The following CHL1 variants were observed in gnomAD, a reference collection of about 807,000 sequenced individuals.
The protein encoded by CHL1 is cell adhesion molecule L1 like, also known as neural cell adhesion molecule L1-like protein.
In CHL1, 96 loss-of-function variants were observed where a neutral mutation model predicts 141.9. That is an observed-to-expected ratio of 0.68 (90% confidence interval 0.57 to 0.80). The LOEUF is 0.80. Ranked by LOEUF, CHL1 falls within the 30% of genes least tolerant of loss-of-function variation. The pLI, the probability that CHL1 is intolerant of heterozygous loss-of-function variation, is 0.00. For synonymous variants in CHL1, 613 were observed against 502.2 expected, an observed-to-expected ratio of 1.22 and a Z score of -2.95; for missense variants, 1,820 against 1,457.2, an observed-to-expected ratio of 1.25 and a Z score of -4.05.
At position 356,710 on chromosome 3, in the gene CHL1, G is replaced by A. The variant is rs149539804; in HGVS notation, c.1165+1939G>A. On this transcript the variant is annotated intron_variant, in intron 11 of 27. Coordinates refer to ENST00000256509, the MANE Select transcript of CHL1 (RefSeq NM_006614.4). ...AAATAGCAGGGAAAGTGCTGTCTCAGTGGAGAGGTGTGTTGAGGAGGAGAA... is the reference window on the plus strand; with the variant it reads ...AAATAGCAGGGAAAGTGCTGTCTCAATGGAGAGGTGTGTTGAGGAGGAGAA... Among the ~76,000 whole-genome samples, 10 of 152,286 alleles carry A rather than the reference G, an allele frequency of 6.6e-5. No homozygotes were observed. The East Asian group carries it at 1.9e-3, about 29-fold the overall frequency.
chr3:405,429 T>G, intron 27 of CHL1, 66 bp from the exon 28 acceptor site: 1 of 1,053,898 alleles, frequency 9.5e-7, no homozygotes, highest in East Asian at 2.4e-5. Flanking sequence ...CACTTATGAC[T>G]GTGTTGCTTT....
At chr3:233,672 A>G (rs1691634002) in intron 1 of CHL1, among the ~76,000 whole-genome samples, 1 of 152,182 alleles carries the variant, frequency 6.6e-6, no homozygotes, top group Admixed American at 6.5e-5. Context: ...TTAAGCTCAC[A>G]TTCTATAAAA....
chr3:284,791 T>G (rs886368808), intron 2 of CHL1, among the ~76,000 whole-genome samples: 1 of 151,090 alleles, frequency 6.6e-6, no homozygotes, highest in Non-Finnish European at 1.5e-5. Flanking sequence ...TTCTCCAACC[T>G]CAGTAGATCT....
At chr3:224,507 T>C (rs544294425) in intron 1 of CHL1, among the ~76,000 whole-genome samples, 4 of 152,130 alleles carry the variant, frequency 2.6e-5, no homozygotes, top group African/African-American at 9.6e-5. Flanking sequence ...GATCTGGTTG[T>C]TTAAAAGTAG....
At chr3:280,159 A>T (rs1696509184) in intron 2 of CHL1, among the ~76,000 whole-genome samples, 1 of 152,214 alleles carries the variant, frequency 6.6e-6, no homozygotes, top group South Asian at 2.1e-4. Context: ...CGGGATAAAA[A>T]TAAAATTTAA....
intron 27 of CHL1, 53 bp downstream of exon 27, chr3:401,751 C>G: frequency 9.7e-7 from 1 of 1,029,686 alleles, no homozygotes; most frequent in South Asian, 1.5e-5. Context: ...ATGTTGAAAG[C>G]TTAAGTGAAC....
chr3:292,688 C>T (rs899371197), intron 2 of CHL1, among the ~76,000 whole-genome samples: 3 of 152,156 alleles, frequency 2.0e-5, no homozygotes, highest in Admixed American at 6.6e-5. Context: ...ACCATGGCAC[C>T]GCTCAGCTTC....
intron 2 of CHL1, among the ~76,000 whole-genome samples, chr3:312,848 A>G (rs377542937): frequency 2.0e-5 from 3 of 152,330 alleles, no homozygotes; most frequent in East Asian, 1.9e-4. Flanking sequence ...ATACAAATCC[A>G]TTGAGTTATT....
chr3:371,323 C>T (rs1224813511), intron 15 of CHL1, among the ~76,000 whole-genome samples: 2 of 152,106 alleles, frequency 1.3e-5, no homozygotes, highest in Admixed American at 1.3e-4. Context: ...GAATAGTTAA[C>T]TCTTCTGGTT....
At chr3:303,770 G>A (rs1698971845) in intron 2 of CHL1, among the ~76,000 whole-genome samples, 1 of 152,126 alleles carries the variant, frequency 6.6e-6, no homozygotes, top group East Asian at 1.9e-4. Context: ...TGTTGAATAG[G>A]AGTGGTGAGA....
At chr3:256,950 G>C (rs929897900) in intron 2 of CHL1, among the ~76,000 whole-genome samples, 1 of 152,140 alleles carries the variant, frequency 6.6e-6, no homozygotes, top group African/African-American at 2.4e-5. Flanking sequence ...CCTTTCCATG[G>C]AAATTCCCAT....
chr3:342,200 A>G (rs774237703), intron 7 of CHL1, 118 bp downstream of exon 7: 3 of 751,850 alleles, frequency 4.0e-6, no homozygotes, highest in African/African-American at 3.6e-5. Flanking sequence ...GTGCAGTTCA[A>G]CTCTGGAGAC....
chr3:339,569 T>C (rs776566067), intron 5 of CHL1, among the ~76,000 whole-genome samples: 1 of 152,144 alleles, frequency 6.6e-6, no homozygotes, highest in African/African-American at 2.4e-5. Flanking sequence ...CCTTCCGAAA[T>C]TGCAAAGGCA....
intron 11 of CHL1, among the ~76,000 whole-genome samples, chr3:356,803 G>A (rs1353607201): frequency 1.3e-5 from 2 of 152,214 alleles, no homozygotes; most frequent in Non-Finnish European, 2.9e-5. Context: ...TCCGCCAGCA[G>A]GGGAAGGGGC....
At chr3:223,457 T>A (rs1701043001) in intron 1 of CHL1, among the ~76,000 whole-genome samples, 1 of 152,224 alleles carries the variant, frequency 6.6e-6, no homozygotes, top group Admixed American at 6.5e-5. Flanking sequence ...TTGTCAGAAC[T>A]GCAACTGTGT....
At chr3:306,438 T>A (rs1022883325) in intron 2 of CHL1, among the ~76,000 whole-genome samples, 1 of 152,120 alleles carries the variant, frequency 6.6e-6, no homozygotes, top group Non-Finnish European at 1.5e-5. Context: ...TGAATTTGAA[T>A]AAAAAATCCC....
chr3:212,087 A>G (rs1699946511), intron 1 of CHL1, among the ~76,000 whole-genome samples: 1 of 152,176 alleles, frequency 6.6e-6, no homozygotes, highest in Admixed American at 6.5e-5. Context: ...AATGTTATAT[A>G]TGTTAAATTC....
intron 19 of CHL1, among the ~76,000 whole-genome samples, chr3:385,542 A>G (rs957124296): frequency 1.3e-5 from 2 of 152,228 alleles, no homozygotes; most frequent in African/African-American, 4.8e-5. Context: ...CTAAGAAAGC[A>G]TCTATGGCCA....
chr3:210,189 A>G (rs1190764867), intron 1 of CHL1, among the ~76,000 whole-genome samples: 1 of 152,250 alleles, frequency 6.6e-6, no homozygotes, highest in Non-Finnish European at 1.5e-5. Flanking sequence ...TTCTGAATGT[A>G]GCAAAGTAAC....
Sources: allele counts gnomAD v4.1 joint callset (sites outside exome capture counted in the v4.1 genomes callset), GRCh38; gene constraint gnomAD v4.1.1; transcripts MANE v1.5; gene names NCBI Gene and HGNC (gene_info 2026-07-23, HGNC 2026-07-21).